Variants in EXD2 observed in about 807,000 individuals in gnomAD.
The protein encoded by EXD2 is exonuclease 3'-5' domain-containing protein 2.
Under a neutral mutation model 62.5 loss-of-function variants are expected in EXD2, and 40 were observed. The ratio of observed to expected loss-of-function variants is 0.64; its 90% CI spans 0.50 to 0.83. The LOEUF (loss-of-function observed/expected upper bound fraction) is 0.83, where lower values mean the gene tolerates loss of function less well. Ranked by LOEUF, EXD2 falls within the 40% of genes least tolerant of loss-of-function variation. The pLI is 0.00. For missense variants in EXD2, 671 were observed against 761.8 expected (o/e 0.88, Z 1.40); for synonymous variants, 239 against 291.9 (o/e 0.82, Z 1.85).
intron 3 of EXD2, chr14:69,224,157 C>T (rs1329483425): frequency 6.6e-6 from 1 of 152,478 alleles, no homozygotes; most frequent in East Asian, 1.9e-4. Flanking sequence ...ACCTCGGCCT[C>T]TGGAGTAGCT....
intron 3 of EXD2, among the ~76,000 whole-genome samples, chr14:69,220,494 G>A (rs1417567139): frequency 1.4e-5 from 2 of 145,972 alleles, no homozygotes; most frequent in South Asian, 2.2e-4. Flanking sequence ...TCCTGACCTC[G>A]TGATCCGCCC....
rs749899197 is a variant in EXD2 at position 69,222,086 on chromosome 14, C to CA, written c.334-6715dup. Among the ~76,000 whole-genome samples the CA allele has an allele frequency of 9.6e-3, 1,240 of 129,338 alleles. 17 individuals are homozygous for CA. Among genetic ancestry groups the CA allele is most frequent in the African/African-American group, 0.029 (1,020 of 35,584 alleles). 84.9% of individuals were successfully genotyped at this position (129,338 alleles called of 152,430 possible). On this transcript the variant is annotated intron_variant, in intron 3 of 9. Transcript: ENST00000685843. ...TAGGTGGTAGGGTGAGACTCTATCT[C>CA]AAAAAAAAAAAAAAATTATTGGCAT...
At chr14:69,205,991 T>C (rs2042578566) in intron 2 of EXD2, among the ~76,000 whole-genome samples, 1 of 151,984 alleles carries the variant, frequency 6.6e-6, no homozygotes, top group Non-Finnish European at 1.5e-5. Flanking sequence ...TGATCTTGGC[T>C]CACTGCAATC....
intron 2 of EXD2, among the ~76,000 whole-genome samples, chr14:69,208,545 T>C (rs1257018368): frequency 6.6e-6 from 1 of 152,252 alleles, no homozygotes; most frequent in Non-Finnish European, 1.5e-5. Context: ...ACTTTTACTG[T>C]TATTTTAATA....
chr14:69,218,264 T>A (rs1339707735), intron 3 of EXD2, among the ~76,000 whole-genome samples: 1 of 152,214 alleles, frequency 6.6e-6, no homozygotes, highest in Non-Finnish European at 1.5e-5. Context: ...GTGGTTTTGA[T>A]TTGCATTTCT....
chr14:69,207,547 A>G (rs2042647466), intron 2 of EXD2, among the ~76,000 whole-genome samples: 2 of 152,172 alleles, frequency 1.3e-5, no homozygotes, highest in South Asian at 4.1e-4. Context: ...AATAAAAACC[A>G]TACACATTCA....
At chr14:69,201,918 G>T (rs1400847092) in intron 1 of EXD2, among the ~76,000 whole-genome samples, 2 of 151,844 alleles carry the variant, frequency 1.3e-5, no homozygotes, top group East Asian at 3.9e-4. Context: ...CTGACCTCAG[G>T]TATTCCACCT....
intron 3 of EXD2, among the ~76,000 whole-genome samples, chr14:69,225,384 C>T (rs1037246147): frequency 1.3e-5 from 2 of 152,170 alleles, no homozygotes; most frequent in African/African-American, 4.8e-5. Flanking sequence ...GGATTATCCC[C>T]TGGCTCGTGG....
chr14:69,222,943 A>C (rs1402536343), intron 3 of EXD2, among the ~76,000 whole-genome samples: 4 of 152,234 alleles, frequency 2.6e-5, no homozygotes, highest in African/African-American at 9.6e-5. Flanking sequence ...TTCATGCCTC[A>C]TATAAATGAA....
intron 3 of EXD2, among the ~76,000 whole-genome samples, chr14:69,213,754 C>A (rs545533840): frequency 6.6e-6 from 1 of 150,956 alleles, no homozygotes; most frequent in Admixed American, 6.6e-5. Context: ...ACCTTTGCCT[C>A]CCGGGTTCAA....
intron 1 of EXD2, chr14:69,191,915 A>G (rs1348260578): frequency 2.0e-5 from 3 of 152,028 alleles, no homozygotes; most frequent in East Asian, 3.9e-4. Flanking sequence ...GGGAGACTCT[A>G]CCAGACCTTC....
chr14:69,192,898 T>A (rs1166176865), intron 1 of EXD2, among the ~76,000 whole-genome samples: 2 of 152,334 alleles, frequency 1.3e-5, no homozygotes, highest in East Asian at 3.9e-4. Flanking sequence ...AGACACAGTA[T>A]GGCGGAGAAC....
chr14:69,236,542 G>A lies in EXD2; in HGVS notation c.1292G>A (p.Arg431Gln), dbSNP rs373719960. The A allele has an allele frequency of 3.7e-6, 6 of 1,613,940 alleles. No individual in the cohort carries two copies. Among genetic ancestry groups the A allele is most frequent in the African/African-American group, 1.3e-5 (1 of 74,868 alleles). Reference sequence around the variant, plus strand: ...TGTGGCAAGAGAGACTCCTACATTCGGTGAGTGCAGCATTGGGCCACCCTG... The same window carrying A: ...TGTGGCAAGAGAGACTCCTACATTCAGTGAGTGCAGCATTGGGCCACCCTG... ...VVCGKRDSYI[R>Q]KNVIPHEYRK... Residue 431 changes from arginine to glutamine, a missense_variant and splice_region_variant, in exon 8 of 10, where the codon CGG (arginine) becomes CAG (glutamine). Transcript: ENST00000685843.
intron 3 of EXD2, chr14:69,210,246 C>G (rs76722968): frequency 0.013 from 2,020 of 155,452 alleles, 41 homozygotes; most frequent in African/African-American, 0.047. Flanking sequence ...TTTGTAGTAG[C>G]ATTTTCATAA....
intron 3 of EXD2, among the ~76,000 whole-genome samples, chr14:69,228,390 C>T (rs1046891962): frequency 1.3e-5 from 2 of 152,044 alleles, no homozygotes; most frequent in African/African-American, 4.8e-5. Context: ...CGGGGTTTCA[C>T]CATGTTGGCC....
At chr14:69,235,623 T>C (rs558172056) in intron 6 of EXD2, 5 of 266,644 alleles carry the variant, frequency 1.9e-5, no homozygotes, top group African/African-American at 1.1e-4. Flanking sequence ...GATGATTAAA[T>C]TGAAGGAAGT....
chr14:69,204,549 T>G (rs1566818191), intron 2 of EXD2, among the ~76,000 whole-genome samples: 1 of 151,892 alleles, frequency 6.6e-6, no homozygotes. Flanking sequence ...AGAGTGAAAC[T>G]CTGTCTTAAA....
intron 3 of EXD2, among the ~76,000 whole-genome samples, chr14:69,218,252 T>C (rs1293008604): frequency 1.3e-5 from 2 of 152,196 alleles, no homozygotes; most frequent in Non-Finnish European, 2.9e-5. Context: ...TGGTATCTCA[T>C]TGTGGTTTTG....
Position 69,236,396 on chromosome 14 carries a change from CT to C in EXD2, c.1157-9del, listed in dbSNP as rs2140037913. The C allele has an allele frequency of 6.2e-7, 1 of 1,614,102 alleles. No individual in the cohort carries two copies. Among genetic ancestry groups the C allele is most frequent in the Non-Finnish European group, 8.5e-7 (1 of 1,180,018 alleles). The stretch of plus-strand genomic sequence containing the variant: ...GGGGAGCAGTCAAACACTGATGTCT[CT>C]TCTCTTAAGAGCTGGTGAGTGAAGA... On this transcript the variant is annotated splice_polypyrimidine_tract_variant and intron_variant, in intron 7 of 9. Transcript: ENST00000685843.
Sources: allele counts gnomAD v4.1 joint callset (sites outside exome capture counted in the v4.1 genomes callset), GRCh38; gene constraint gnomAD v4.1.1; transcripts MANE v1.5; gene names NCBI Gene and HGNC (gene_info 2026-07-23, HGNC 2026-07-21).